Variants in GFOD1 observed in about 807,000 individuals in gnomAD.
The protein encoded by GFOD1 is glucose-fructose oxidoreductase domain-containing protein 1.
A neutral mutation model predicts 25.4 loss-of-function variants in GFOD1; 9 were observed. The ratio of observed to expected loss-of-function variants is 0.35; its 90% confidence interval spans 0.21 to 0.62. GFOD1 has a LOEUF of 0.62. Among genes scored for constraint, GFOD1 ranks in the 20% least tolerant of loss-of-function variants. The probability of loss-of-function intolerance (pLI) is 0.72; values close to 1 mark genes in which losing one functional copy is unlikely to be tolerated. For synonymous variants in GFOD1, 253 were observed against 245.6 expected, an observed-to-expected ratio of 1.03 and a Z score of -0.28; for missense variants, 403 against 556.9, an observed-to-expected ratio of 0.72 and a Z score of 2.78.
intron 1 of GFOD1, among the ~76,000 whole-genome samples, chr6:13,450,207 G>A (rs1758070878): frequency 6.6e-6 from 1 of 152,186 alleles, no homozygotes; most frequent in Non-Finnish European, 1.5e-5. Flanking sequence ...TTCTAGGTGG[G>A]GCTGAGGGGG....
Position 13,364,926 on chromosome 6 carries a change from G to A in GFOD1, c.990C>T (p.Pro330=). 6.2e-7 allele frequency: 1 copy of A among 1,612,580 alleles called. No individual in the cohort carries two copies. ...QDDRRTWDGR[P]LTMAATFDDC... Reference sequence around the variant, plus strand: ...CGTCGAAGGTGGCGGCCATGGTGAGGGGCCGCCCATCCCACGTGCGCCGGT... The same window carrying A: ...CGTCGAAGGTGGCGGCCATGGTGAGAGGCCGCCCATCCCACGTGCGCCGGT... The change falls in exon 2 of 2, where the codon CCC becomes CCT. Residue 330 remains proline (P), a synonymous_variant. Transcript: ENST00000379287. The surrounding 1 kb of genome is among the most constrained non-coding windows in gnomAD (Gnocchi z 4.1).
intron 1 of GFOD1, among the ~76,000 whole-genome samples, chr6:13,468,377 T>C (rs1758414583): frequency 6.6e-6 from 1 of 152,260 alleles, no homozygotes; most frequent in Admixed American, 6.5e-5. Flanking sequence ...TTTACCTAAC[T>C]GTTCTCCTAC....
At chr6:13,485,020 G>A (rs1758833841) in intron 1 of GFOD1, among the ~76,000 whole-genome samples, 1 of 152,170 alleles carries the variant, frequency 6.6e-6, no homozygotes. Flanking sequence ...GTAAACAAGG[G>A]AGTTATCCAC....
chr6:13,460,775 T>C (rs115564817), intron 1 of GFOD1, among the ~76,000 whole-genome samples: 10,854 of 152,286 alleles, frequency 0.071, 1,227 homozygotes, highest in African/African-American at 0.24. Flanking sequence ...CAAACCACCA[T>C]GGCACACATT....
At chr6:13,441,385 A>G (rs1757913524) in intron 1 of GFOD1, among the ~76,000 whole-genome samples, 1 of 152,212 alleles carries the variant, frequency 6.6e-6, no homozygotes, top group African/African-American at 2.4e-5. Context: ...TCTCTTTCAA[A>G]CGAAATGTGG....
At chr6:13,410,335 A>G (rs1786050896) in intron 1 of GFOD1, among the ~76,000 whole-genome samples, 1 of 152,172 alleles carries the variant, frequency 6.6e-6, no homozygotes, top group African/African-American at 2.4e-5. Context: ...TGGGAGGCCA[A>G]GATGGGTGGA....
chr6:13,469,779 T>C, intron 1 of GFOD1: 3 of 1,139,606 alleles, frequency 2.6e-6, no homozygotes, highest in South Asian at 1.6e-5. Flanking sequence ...ATATTTAACC[T>C]CTCTACAGTG....
At position 13,486,620 on chromosome 6, in the gene GFOD1, G is replaced by C. The variant is rs747181223; in HGVS notation, c.253+18C>G. 1 of 1,610,868 alleles carries C rather than the reference G, an allele frequency of 6.2e-7. No individual in the cohort carries two copies. On this transcript the variant is annotated intron_variant, in intron 1 of 1. Coordinates refer to ENST00000379287, the MANE Select transcript of GFOD1 (RefSeq NM_018988.4). Reference sequence around the variant, plus strand: ...AGGGCGGGGGTGGGACGGAGGATGCGGGGTAGGGGTCGCTCACCTAGGGTT... The same window carrying C: ...AGGGCGGGGGTGGGACGGAGGATGCCGGGTAGGGGTCGCTCACCTAGGGTT...
chr6:13,484,999 A>G (rs544913656), intron 1 of GFOD1, among the ~76,000 whole-genome samples: 83 of 152,368 alleles, frequency 5.4e-4, no homozygotes, highest in Non-Finnish European at 8.7e-4. Context: ...TTTGATATGC[A>G]AAGAGCCAAT....
intron 1 of GFOD1, among the ~76,000 whole-genome samples, chr6:13,406,133 G>A (rs1325770703): frequency 6.6e-6 from 1 of 152,146 alleles, no homozygotes; most frequent in Non-Finnish European, 1.5e-5. Flanking sequence ...GGGCAGGGGT[G>A]GAAAGAACCC....
rs752746220 is a variant in GFOD1, at chr6:13,363,018, G to A, written c.*1725C>T. The A allele has an allele frequency of 2.0e-4, 31 of 152,206 alleles. No homozygotes were observed. Among genetic ancestry groups the A allele is most frequent in the Non-Finnish European group, 2.8e-4 (19 of 68,040 alleles). 9.4% of individuals were successfully genotyped at this position (152,206 alleles called of 1,614,324 possible). On this transcript the variant is annotated 3_prime_UTR_variant, in exon 2 of 2. Coordinates refer to ENST00000379287, the MANE Select transcript of GFOD1 (RefSeq NM_018988.4). ...CAGTGAGCCTGTGAACAAAAGCTAC[G>A]TAGACTTATGAGGAATGGCTTCCAC... is the stretch of plus-strand genomic sequence containing the variant.
chr6:13,486,743 A>C lies in GFOD1; in HGVS notation c.148T>G (p.Phe50Val). The change falls in exon 1 of 2, where the codon TTC becomes GTC. Residue 50 changes from phenylalanine (F) to valine (V), a missense_variant. Phe to Val is a conservative substitution (Grantham distance 50, BLOSUM62 -1). Transcript: ENST00000379287. ...EELAKEMSVP[F>V]YTSRIDEVLL... ...ACCTCATCAATGCGGCTAGTGTAGA[A>C]GGGGACACTCATCTCCTTGGCCAGC... 1.2e-6 allele frequency: 2 copies of C among 1,614,086 alleles called. No homozygotes were observed. Among genetic ancestry groups the C allele is most frequent in the African/African-American group, 1.3e-5 (1 of 75,004 alleles).
rs963579847 is a variant in GFOD1, at chr6:13,363,979, T to G, written c.*764A>C. 20 of 152,230 alleles carry G rather than the reference T, an allele frequency of 1.3e-4. No individual in the cohort carries two copies. The highest frequency in any genetic ancestry group is 4.6e-4 in the African/African-American group (19 of 41,456). 9.4% of individuals were successfully genotyped at this position (152,230 alleles called of 1,614,324 possible). On this transcript the variant is annotated 3_prime_UTR_variant, in exon 2 of 2. Transcript: ENST00000379287. ...TGTTGACAAGTTCAAAGGGATATTT[T>G]ATTCTCTGCTGCCCCTGCTTTGGTG...
intron 1 of GFOD1, among the ~76,000 whole-genome samples, chr6:13,423,752 T>G (rs1398696204): frequency 1.3e-5 from 2 of 152,244 alleles, no homozygotes; most frequent in East Asian, 3.8e-4. Flanking sequence ...TTCCTTCACT[T>G]GAAGTATTTC....
At chr6:13,393,776 T>TTGTC in intron 1 of GFOD1, among the ~76,000 whole-genome samples, 1 of 105,096 alleles carries the variant, frequency 9.5e-6, no homozygotes, top group Non-Finnish European at 2.1e-5. Context: ...TTCTTTTTTC[T>TTGTC]TTTCTTTTTT....
chr6:13,360,909 T>C lies in GFOD1; in HGVS notation c.*3834A>G, dbSNP rs375954880. 3 of 454,256 alleles carry C rather than the reference T, an allele frequency of 6.6e-6. No homozygotes were observed. The highest frequency in any genetic ancestry group is 2.4e-5 in the Admixed American group (1 of 42,458). The allele number at this position is 454,256 out of a possible 1,614,324, so 28.1% of individuals were successfully genotyped here. A position where few individuals can be genotyped will look rare whatever the true frequency, so the allele number is the denominator to read the frequency against. Reference sequence around the variant, plus strand: ...AGGCAGTGTGGTCTGGAGGAGAAGATTAAGGATTTGAATGACCTCATTTCT... The same window carrying C: ...AGGCAGTGTGGTCTGGAGGAGAAGACTAAGGATTTGAATGACCTCATTTCT... On this transcript the variant is annotated 3_prime_UTR_variant, in exon 2 of 2. Transcript: ENST00000379287.
At chr6:13,371,108 C>T (rs1488023931) in intron 1 of GFOD1, among the ~76,000 whole-genome samples, 2 of 152,204 alleles carry the variant, frequency 1.3e-5, no homozygotes, top group African/African-American at 4.8e-5. Flanking sequence ...TCTCTAAGCA[C>T]GTGGCTATGA....
intron 1 of GFOD1, among the ~76,000 whole-genome samples, chr6:13,414,474 C>G (rs950246326): frequency 6.6e-6 from 1 of 152,240 alleles, no homozygotes; most frequent in African/African-American, 2.4e-5. Flanking sequence ...AGGGTGAATA[C>G]AGCTATCTCT....
chr6:13,416,417 TAA>T (rs1186002728), intron 1 of GFOD1, among the ~76,000 whole-genome samples: 1 of 152,216 alleles, frequency 6.6e-6, no homozygotes, highest in Admixed American at 6.5e-5. Context: ...TGACATAGGA[TAA>T]CAAGAAGGAA....
Sources: gnomAD v4.1 joint callset for allele counts (sites outside exome capture counted in the v4.1 genomes callset) on GRCh38, gnomAD v4.1.1 for gene constraint, Gnocchi (gnomAD v3.1) non-coding constraint, MANE v1.5 for transcripts, NCBI Gene and HGNC (gene_info 2026-07-23, HGNC 2026-07-21) for gene names.